LINGO2: variants seen among roughly 807,000 people sequenced by gnomAD.
LINGO2 encodes leucine rich repeat and Ig domain containing 2, also known as leucine-rich repeat and immunoglobulin-like domain-containing nogo receptor-interacting protein 2.
In LINGO2, 14 loss-of-function variants were observed where a neutral mutation model predicts 30.6. The ratio of observed to expected loss-of-function variants is 0.46; its 90% CI spans 0.30 to 0.72. LINGO2 has a LOEUF of 0.72. Among genes scored for constraint, LINGO2 ranks in the 30% least tolerant of loss-of-function variants. The pLI, the probability that LINGO2 is intolerant of heterozygous loss-of-function variation, is 0.07. For synonymous variants in LINGO2, 317 were observed against 288.5 expected (o/e 1.10, Z -1.00); for missense variants, 729 against 751.7 (o/e 0.97, Z 0.35).
At chr9:28,149,181 T>A in intron 4 of LINGO2, 1 of 1,313,548 alleles carries the variant, frequency 7.6e-7, no homozygotes, top group Non-Finnish European at 1.1e-6. Flanking sequence ...GTAAGAGAGC[T>A]GCTTAGGAGG....
chr9:28,489,384 G>A (rs1412530332), intron 1 of LINGO2, among the ~76,000 whole-genome samples: 2 of 152,078 alleles, frequency 1.3e-5, no homozygotes, highest in Non-Finnish European at 2.9e-5. Context: ...TGGCTGGCTA[G>A]TCTCGAACTC....
chr9:29,180,151 C>T, the LINGO2 span, among the ~76,000 whole-genome samples: 1 of 152,154 alleles, frequency 6.6e-6, no homozygotes, highest in Admixed American at 6.5e-5. Context: ...AAGGAAAACA[C>T]TCTGCCCCCT....
At chr9:28,840,881 T>C in the LINGO2 span, among the ~76,000 whole-genome samples, 1 of 151,842 alleles carries the variant, frequency 6.6e-6, no homozygotes, top group Non-Finnish European at 1.5e-5. Flanking sequence ...TCCTCTCATT[T>C]ATTATGTTCT....
intron 1 of LINGO2, among the ~76,000 whole-genome samples, chr9:28,499,197 G>A (rs776760722): frequency 3.3e-5 from 5 of 152,270 alleles, no homozygotes; most frequent in Non-Finnish European, 5.9e-5. Flanking sequence ...GAGGAATGAA[G>A]ATACTATTTT....
At chr9:28,588,587 G>A (rs1013782940) in intron 1 of LINGO2, among the ~76,000 whole-genome samples, 3 of 143,326 alleles carry the variant, frequency 2.1e-5, no homozygotes, top group South Asian at 2.1e-4. Flanking sequence ...TCTCTTTAAT[G>A]AGTTCAGGTT....
At chr9:29,093,814 A>G in the LINGO2 span, among the ~76,000 whole-genome samples, 1 of 137,896 alleles carries the variant, frequency 7.3e-6, no homozygotes, top group African/African-American at 2.7e-5. Context: ...GGAAGAAAAT[A>G]GTGGAAATTG....
the LINGO2 span, among the ~76,000 whole-genome samples, chr9:29,150,878 C>T: frequency 6.6e-5 from 10 of 152,108 alleles, no homozygotes; most frequent in Non-Finnish European, 1.5e-4. Flanking sequence ...GAGAGGTTGA[C>T]ATGCACATTC....
At chr9:28,648,761 T>A (rs907268905) in intron 1 of LINGO2, among the ~76,000 whole-genome samples, 5 of 152,098 alleles carry the variant, frequency 3.3e-5, no homozygotes, top group African/African-American at 1.2e-4. Context: ...AAAAAATAAA[T>A]AAATAAAAGG....
intron 4 of LINGO2, among the ~76,000 whole-genome samples, chr9:28,120,785 A>C (rs1351774275): frequency 6.6e-6 from 1 of 152,200 alleles, no homozygotes; most frequent in African/African-American, 2.4e-5. Context: ...TATGAGGAAA[A>C]GCCTACTGTT....
At chr9:28,582,169 C>T (rs1023269195) in intron 1 of LINGO2, among the ~76,000 whole-genome samples, 1 of 151,952 alleles carries the variant, frequency 6.6e-6, no homozygotes, top group Non-Finnish European at 1.5e-5. Flanking sequence ...TTGATGAAAA[C>T]ACAAGCTGAA....
chr9:28,019,325 T>TTC (rs1822998359), intron 4 of LINGO2, among the ~76,000 whole-genome samples: 2 of 144,708 alleles, frequency 1.4e-5, no homozygotes, highest in South Asian at 4.7e-4. Context: ...ATATGTTTTT[T>TTC]TTTTTCCATT....
chr9:28,833,826 G>C, the LINGO2 span, among the ~76,000 whole-genome samples: 2 of 152,134 alleles, frequency 1.3e-5, no homozygotes, highest in African/African-American at 4.8e-5. Flanking sequence ...GATATTGGTA[G>C]GTACAGGGAA....
At chr9:29,189,760 G>A in the LINGO2 span, among the ~76,000 whole-genome samples, 5 of 152,146 alleles carry the variant, frequency 3.3e-5, no homozygotes, top group African/African-American at 7.2e-5. Context: ...CTGCAATCCC[G>A]GCACCTCGGG....
chr9:29,111,982 CTT>C, the LINGO2 span, among the ~76,000 whole-genome samples: 11 of 94,208 alleles, frequency 1.2e-4, 1 homozygote, highest in East Asian at 2.0e-3. Context: ...GTTAATGTAA[CTT>C]AATATTACTG....
At chr9:28,474,953 CTTT>C (rs774706380) in intron 2 of LINGO2, among the ~76,000 whole-genome samples, 2 of 151,126 alleles carry the variant, frequency 1.3e-5, no homozygotes, top group Non-Finnish European at 2.9e-5. Flanking sequence ...TTTCTGTCTT[CTTT>C]TTATCATTTC....
At chr9:28,537,369 C>T (rs372504510) in intron 1 of LINGO2, among the ~76,000 whole-genome samples, 23 of 152,212 alleles carry the variant, frequency 1.5e-4, no homozygotes, top group Middle Eastern at 3.4e-3. Context: ...TTCATTAGCA[C>T]GGTTTCTCTA....
the LINGO2 span, among the ~76,000 whole-genome samples, chr9:28,759,530 A>C: frequency 5.9e-5 from 9 of 151,794 alleles, no homozygotes; most frequent in Non-Finnish European, 5.9e-5. Flanking sequence ...AAAATACAAA[A>C]AATTAGCCAG....
At chr9:29,118,110 C>G in the LINGO2 span, among the ~76,000 whole-genome samples, 2 of 152,108 alleles carry the variant, frequency 1.3e-5, no homozygotes, top group Admixed American at 1.3e-4. Context: ...ATGCCTCTTA[C>G]TGGTAGAAGA....
chr9:28,008,173 A>G (rs1163268719), intron 5 of LINGO2, among the ~76,000 whole-genome samples: 2 of 152,124 alleles, frequency 1.3e-5, no homozygotes, highest in African/African-American at 2.4e-5. Context: ...AAGTAGGGAG[A>G]AACTCAAAGA....
Sources: gnomAD v4.1 joint callset for allele counts (sites outside exome capture counted in the v4.1 genomes callset) on GRCh38, gnomAD v4.1.1 for gene constraint, MANE v1.5 for transcripts, NCBI Gene and HGNC (gene_info 2026-07-23, HGNC 2026-07-21) for gene names.